Variants in DST observed in about 807,000 individuals in gnomAD.
DST encodes the protein dystonin.
In DST, 253 loss-of-function variants were observed where a neutral mutation model predicts 875.2. The ratio of observed to expected loss-of-function variants is 0.29; its 90% CI spans 0.26 to 0.32. The LOEUF is 0.32. DST is among the 10% of genes least tolerant of loss of function. The pLI is 1.00. For synonymous variants in DST, 3,124 were observed against 3,197.1 expected, an observed-to-expected ratio of 0.98 and a Z score of 0.77; for missense variants, 8,287 against 9,111.6, an observed-to-expected ratio of 0.91 and a Z score of 3.68.
At chr6:56,935,729 C>T (rs1812670851) in intron 2 of DST, among the ~76,000 whole-genome samples, 1 of 152,012 alleles carries the variant, frequency 6.6e-6, no homozygotes, top group Admixed American at 6.5e-5. Context: ...AGATCGAGAC[C>T]ATCCTGGCCA....
At chr6:56,801,534 G>A (rs150496253) in intron 4 of DST, among the ~76,000 whole-genome samples, 285 of 152,064 alleles carry the variant, frequency 1.9e-3, no homozygotes, top group African/African-American at 6.4e-3. Context: ...AATGTCCAGA[G>A]AGAATTAAAA....
At chr6:56,673,005 AG>A (rs2099109897) in intron 9 of DST, among the ~76,000 whole-genome samples, 1 of 152,174 alleles carries the variant, frequency 6.6e-6, no homozygotes, top group African/African-American at 2.4e-5. Flanking sequence ...TTGTAATCCC[AG>A]CACATTGGGA....
intron 4 of DST, among the ~76,000 whole-genome samples, chr6:56,768,496 AAAT>A (rs1472089701): frequency 2.6e-5 from 4 of 152,236 alleles, no homozygotes; most frequent in Non-Finnish European, 4.4e-5. Context: ...TATATGCAAA[AAAT>A]ATACAAATTT....
Position 56,555,855 on chromosome 6 carries a change from G to A in DST, c.14641-15C>T. On this transcript the variant is annotated splice_polypyrimidine_tract_variant and intron_variant, in intron 59 of 103. Coordinates refer to ENST00000680361, the MANE Select transcript of DST (RefSeq NM_001374736.1). ...TGCAGCAAAATCTAAGGTAACAAGG[G>A]TAAACAAACGCAAATTATTATATAA... 6.8e-7 allele frequency: 1 copy of A among 1,469,526 alleles called. No homozygotes were observed. The highest frequency in any genetic ancestry group is 9.0e-7 in the Non-Finnish European group (1 of 1,107,770). The allele number at this position is 1,469,526 out of a possible 1,614,324, so 91.0% of individuals were successfully genotyped here.
chr6:56,793,118 G>A (rs1214118071), intron 4 of DST, among the ~76,000 whole-genome samples: 2 of 148,442 alleles, frequency 1.3e-5, no homozygotes, highest in Non-Finnish European at 3.0e-5. Context: ...TTAGGAGAGG[G>A]CACTGTTCTA....
At chr6:56,834,533 G>A (rs543828429) in intron 4 of DST, among the ~76,000 whole-genome samples, 6 of 152,186 alleles carry the variant, frequency 3.9e-5, no homozygotes, top group Non-Finnish European at 4.4e-5. Flanking sequence ...GGAGGCAGAG[G>A]TTGCAGTGAG....
chr6:56,521,482 A>T lies in DST; in HGVS notation c.18130-3862T>A, dbSNP rs968624190. Among the ~76,000 whole-genome samples the T allele has an allele frequency of 1.2e-4, 18 of 146,198 alleles. No homozygotes were observed. In the East Asian group the frequency reaches 2.1e-3, roughly 17 times the overall value. Reference sequence around the variant, plus strand: ...TTAACACTATGTCTTCCCTATTTAAAAAAAAAAAAAAACTTTCCAGCAATA... The same window carrying T: ...TTAACACTATGTCTTCCCTATTTAATAAAAAAAAAAAACTTTCCAGCAATA... On this transcript the variant is annotated intron_variant, in intron 69 of 103. Coordinates refer to ENST00000680361, the MANE Select transcript of DST (RefSeq NM_001374736.1).
In DST at chr6:56,634,256, A is replaced by G; in HGVS notation, c.3497T>C (p.Ile1166Thr). The G allele has an allele frequency of 3.1e-6, 5 of 1,613,878 alleles. No individual in the cohort carries two copies. Among genetic ancestry groups the G allele is most frequent in the African/African-American group, 1.3e-5 (1 of 75,046 alleles). Reference sequence around the variant, plus strand: ...CAGGACATTCTGATACTGTTGCTCAATTCTGAAATACATGAAAGAGAACTC... The same window carrying G: ...CAGGACATTCTGATACTGTTGCTCAGTTCTGAAATACATGAAAGAGAACTC... The part of the protein sequence containing the change: ...NKEAVDLANR[I>T]EQQYQNVLTL... The change falls in exon 27 of 104, where the codon ATT (isoleucine) becomes ACT (threonine). Residue 1166 changes from isoleucine to threonine, a missense_variant and splice_region_variant. Physicochemically the swap from Ile to Thr is moderately conservative, Grantham distance 89. This residue lies in a region of DST where 1,160 missense variants were observed against 1,424.3 expected (regional missense o/e 0.81). Transcript: ENST00000680361.
intron 4 of DST, among the ~76,000 whole-genome samples, chr6:56,845,669 CCA>C (rs1301180816): frequency 6.6e-6 from 1 of 152,200 alleles, no homozygotes; most frequent in Non-Finnish European, 1.5e-5. Context: ...CATTTACAGA[CCA>C]CACATGTATA....
chr6:56,611,650 AT>A (rs199912913), intron 37 of DST, 54 bp from the exon 38 acceptor site: 223 of 1,196,106 alleles, frequency 1.9e-4, no homozygotes, highest in Middle Eastern at 2.3e-4. Context: ...AGTAAACAGT[AT>A]TTTTTTTAAA....
Position 56,642,770 on chromosome 6 carries a change from T to C in DST, c.1779-267A>G, listed in dbSNP as rs368676961. On this transcript the variant is annotated intron_variant, in intron 15 of 103. Transcript: ENST00000680361. ...AACACAGAATCACTGCTACGGTAACTATAACTACTACTGTGCATTTTTATT... is the reference window on the plus strand; with the variant it reads ...AACACAGAATCACTGCTACGGTAACCATAACTACTACTGTGCATTTTTATT... The C allele has an allele frequency of 2.4e-5, 39 of 1,613,970 alleles. 3 individuals carry two copies. In the Middle Eastern group the frequency reaches 4.8e-3, roughly 197 times the overall value.
intron 5 of DST, among the ~76,000 whole-genome samples, chr6:56,717,164 C>T (rs1194637828): frequency 6.6e-6 from 1 of 151,564 alleles, no homozygotes; most frequent in Admixed American, 6.6e-5. Context: ...GCCTGTGCAA[C>T]AGAGCGAGAC....
intron 3 of DST, among the ~76,000 whole-genome samples, chr6:56,854,375 G>T (rs1250057898): frequency 6.6e-6 from 1 of 151,956 alleles, no homozygotes; most frequent in Non-Finnish European, 1.5e-5. Flanking sequence ...TTCCTATCTA[G>T]TATTCTACTA....
intron 49 of DST, among the ~76,000 whole-genome samples, chr6:56,587,704 G>A (rs990371081): frequency 7.9e-5 from 12 of 152,190 alleles, no homozygotes; most frequent in African/African-American, 2.9e-4. Context: ...CAGACTAACA[G>A]CAGATCTCTC....
chr6:56,497,446 T>C lies in DST; in HGVS notation c.20156A>G (p.His6719Arg), dbSNP rs750867862. 2.5e-6 allele frequency: 4 copies of C among 1,613,228 alleles called. No individual in the cohort carries two copies. The East Asian group carries it at 8.9e-5, about 36-fold the overall frequency. ...TCCCAGCGGTTTAGATGCCAACAGA[T>C]GACGCTCCGTGTCAGTCAGCCACTG... ...LQQWLTDTER[H>R]LLASKPLGGL... Residue 6719 changes from histidine to arginine, a missense_variant, in exon 82 of 104, where the codon CAT (histidine) becomes CGT (arginine). Transcript: ENST00000680361.
intron 9 of DST, among the ~76,000 whole-genome samples, chr6:56,698,459 G>A (rs1207251500): frequency 6.6e-6 from 1 of 151,978 alleles, no homozygotes; most frequent in East Asian, 1.9e-4. Flanking sequence ...CCGAGTAGCT[G>A]GGACTACAGG....
chr6:56,637,842 T>C (rs2098840924), intron 22 of DST, among the ~76,000 whole-genome samples: 1 of 152,138 alleles, frequency 6.6e-6, no homozygotes. Context: ...TCATTCCTGC[T>C]GAGCTATACT....
At chr6:56,779,722 CT>C (rs72488669) in intron 4 of DST, among the ~76,000 whole-genome samples, 19,248 of 142,758 alleles carry the variant, frequency 0.13, 1,668 homozygotes, top group Middle Eastern at 0.21. Flanking sequence ...CTTCCTTATT[CT>C]TTTTTTTTTT....
intron 2 of DST, among the ~76,000 whole-genome samples, chr6:56,940,743 C>CT (rs1012161114): frequency 3.1e-4 from 45 of 147,504 alleles, no homozygotes; most frequent in East Asian, 2.4e-3. Flanking sequence ...CCGTGCCTGG[C>CT]TTTTTTTTTT....
Sources: gnomAD v4.1 joint callset for allele counts (sites outside exome capture counted in the v4.1 genomes callset) on GRCh38, gnomAD v4.1.1 for gene constraint, gnomAD v4.1.1 regional missense constraint, MANE v1.5 for transcripts, NCBI Gene and HGNC (gene_info 2026-07-23, HGNC 2026-07-21) for gene names.